OIT3: variants seen among roughly 807,000 people sequenced by gnomAD.
OIT3 encodes the protein oncoprotein-induced transcript 3 protein.
A neutral mutation model predicts 52.2 loss-of-function variants in OIT3; 41 were observed. The ratio of observed to expected loss-of-function variants is 0.79; its 90% CI spans 0.61 to 1.02. The LOEUF (loss-of-function observed/expected upper bound fraction) is 1.02. Among genes scored for constraint, OIT3 ranks in the 50% least tolerant of loss-of-function variants. The probability of loss-of-function intolerance (pLI) is 0.00; values close to 1 mark genes in which losing one functional copy is unlikely to be tolerated. For synonymous variants in OIT3, 244 were observed against 276.9 expected (o/e 0.88, Z 1.18); for missense variants, 634 against 715.5 (o/e 0.89, Z 1.30).
intron 7 of OIT3, among the ~76,000 whole-genome samples, chr10:72,930,263 C>A (rs1366565292): frequency 6.6e-6 from 1 of 152,150 alleles, no homozygotes; most frequent in Non-Finnish European, 1.5e-5. Context: ...TTGCTGTTGC[C>A]AACACTTAAA....
At chr10:72,900,990 C>T (rs1046966665) in intron 3 of OIT3, among the ~76,000 whole-genome samples, 18 of 152,118 alleles carry the variant, frequency 1.2e-4, no homozygotes, top group African/African-American at 4.3e-4. Flanking sequence ...ATCACTTGAA[C>T]TTGGGAGTTC....
At chr10:72,911,421 A>G (rs1846027009) in intron 4 of OIT3, among the ~76,000 whole-genome samples, 1 of 152,206 alleles carries the variant, frequency 6.6e-6, no homozygotes, top group South Asian at 2.1e-4. Context: ...TCCTAGTCCT[A>G]AAAACTCATA....
chr10:72,929,315 G>A (rs967503922), intron 7 of OIT3, among the ~76,000 whole-genome samples: 1 of 150,502 alleles, frequency 6.6e-6, no homozygotes, highest in Non-Finnish European at 1.5e-5. Context: ...TCCTGGCCCA[G>A]AAGACAGGAA....
At chr10:72,913,259 C>G in intron 5 of OIT3, 49 bp from the exon 6 acceptor site, 1 of 1,464,504 alleles carries the variant, frequency 6.8e-7, no homozygotes, top group Non-Finnish European at 9.2e-7. Flanking sequence ...AAAAGCCTTC[C>G]TCCCGATTCA....
intron 1 of OIT3, among the ~76,000 whole-genome samples, chr10:72,895,735 C>T (rs1428752098): frequency 6.6e-6 from 1 of 152,140 alleles, no homozygotes; most frequent in Non-Finnish European, 1.5e-5. Flanking sequence ...GCCCTTGGCC[C>T]TGCGTGGTCC....
At chr10:72,895,109 A>G (rs1845862737) in intron 1 of OIT3, among the ~76,000 whole-genome samples, 1 of 152,226 alleles carries the variant, frequency 6.6e-6, no homozygotes, top group South Asian at 2.1e-4. Context: ...GTAACGTGTC[A>G]TAACAAGGGA....
At chr10:72,923,219 G>T (rs1157146111) in intron 6 of OIT3, among the ~76,000 whole-genome samples, 1 of 152,152 alleles carries the variant, frequency 6.6e-6, no homozygotes, top group African/African-American at 2.4e-5. Context: ...TTTCTGTAGG[G>T]CTGCTGTGGT....
In OIT3 at chr10:72,932,365, G is replaced by A. The variant is rs1846223695; in HGVS notation, c.1479G>A (p.Leu493=). Residue 493 remains leucine (L), a synonymous_variant, in exon 9 of 9, where the codon CTG becomes CTA. Transcript: ENST00000334011. The part of the protein sequence containing the change: ...FVGKDHKEVF[L]HCRVLVCGVL... ...GATCATCTCTTCAGGAAGTGTTTCT[G>A]CACTGCCGGGTTCTTGTCTGTGGAG... is the stretch of plus-strand genomic sequence containing the variant. 1 of 1,614,184 alleles carries A rather than the reference G, an allele frequency of 6.2e-7. No homozygotes were observed. The highest frequency in any genetic ancestry group is 1.1e-5 in the South Asian group (1 of 91,080).
intron 7 of OIT3, among the ~76,000 whole-genome samples, chr10:72,928,129 G>T (rs562148615): frequency 5.9e-5 from 9 of 152,018 alleles, no homozygotes; most frequent in African/African-American, 2.2e-4. Context: ...AAATCAAGTT[G>T]GTTCTCCCCG....
intron 4 of OIT3, 59 bp from the exon 5 acceptor site, chr10:72,911,658 A>T: frequency 6.4e-7 from 1 of 1,568,026 alleles, no homozygotes; most frequent in East Asian, 2.3e-5. Context: ...GCAAAGTGCC[A>T]GAATTCTTGG....
rs1248284804 is a variant in OIT3, at chr10:72,916,498, A to G, written c.951+3030A>G. ...GCTCCATCCACTCCCTGCAAAGGACATGATCTCATTCTTTTTTTGTGGCTG... is the reference window on the plus strand; with the variant it reads ...GCTCCATCCACTCCCTGCAAAGGACGTGATCTCATTCTTTTTTTGTGGCTG... On this transcript the variant is annotated intron_variant, in intron 6 of 8. Transcript: ENST00000334011. 2.6e-5 allele frequency among the ~76,000 whole-genome samples: 4 copies of G among 152,186 alleles called. No individual in the cohort carries two copies. In the East Asian group the frequency reaches 7.7e-4, roughly 29 times the overall value.
chr10:72,928,861 A>T (rs1357395929), intron 7 of OIT3, among the ~76,000 whole-genome samples: 2 of 152,262 alleles, frequency 1.3e-5, no homozygotes, highest in South Asian at 2.1e-4. Flanking sequence ...TTTTAAAATA[A>T]TTTTTTGGAT....
In OIT3 at chr10:72,904,183, C is replaced by T. The variant is rs551147825; in HGVS notation, c.545-2413C>T. ...TCACGTACGCCCCTGCTTGCTCAAT[C>T]GATCATGACCCTCTCACGCAGACCC... On this transcript the variant is annotated intron_variant, in intron 3 of 8. Transcript: ENST00000334011. Among the ~76,000 whole-genome samples the T allele has an allele frequency of 3.9e-5, 6 of 152,226 alleles. No homozygotes were observed. The South Asian group carries it at 6.2e-4, about 16-fold the overall frequency.
At chr10:72,920,417 T>A (rs1846111944) in intron 6 of OIT3, among the ~76,000 whole-genome samples, 1 of 152,226 alleles carries the variant, frequency 6.6e-6, no homozygotes, top group Non-Finnish European at 1.5e-5. Flanking sequence ...TGGTTTTTTG[T>A]GTCTCTGTCT....
chr10:72,918,444 A>C, intron 6 of OIT3: 1 of 852,728 alleles, frequency 1.2e-6, no homozygotes, highest in Admixed American at 1.7e-5. Flanking sequence ...ATCCACCTTA[A>C]AGTGATCATC....
intron 6 of OIT3, among the ~76,000 whole-genome samples, chr10:72,921,614 T>C (rs1846122236): frequency 6.6e-6 from 1 of 152,144 alleles, no homozygotes; most frequent in South Asian, 2.1e-4. Flanking sequence ...TCTTCACTTA[T>C]GAAGCTTAGT....
chr10:72,924,500 C>G lies in OIT3; in HGVS notation c.1223C>G (p.Pro408Arg), dbSNP rs756513645. 1 of 1,614,140 alleles carries G rather than the reference C, an allele frequency of 6.2e-7. No individual in the cohort carries two copies. The highest frequency in any genetic ancestry group is 8.5e-7 in the Non-Finnish European group (1 of 1,180,022). ...GAAGAGCCTTACCGGGAAGCTCTGC[C>G]CACCCTCAAGCTTCGTGACTCCCTC... ...EFEEPYREAL[P>R]TLKLRDSLYF... The change falls in exon 7 of 9, where the codon CCC becomes CGC. Residue 408 changes from proline (P) to arginine (R), a missense_variant. Pro to Arg is a moderately radical substitution (Grantham distance 103). Coordinates refer to ENST00000334011, the MANE Select transcript of OIT3 (RefSeq NM_152635.3).
chr10:72,919,592 T>A (rs1039454492), intron 6 of OIT3, among the ~76,000 whole-genome samples: 1 of 152,156 alleles, frequency 6.6e-6, no homozygotes, highest in African/African-American at 2.4e-5. Flanking sequence ...GTTTGTCATA[T>A]ATGGCTCTTA....
intron 3 of OIT3, among the ~76,000 whole-genome samples, chr10:72,904,507 G>A (rs929080797): frequency 6.6e-6 from 1 of 152,120 alleles, no homozygotes; most frequent in Non-Finnish European, 1.5e-5. Flanking sequence ...AGGGAAAGAA[G>A]GAGCCCTGAT....
Sources: allele counts gnomAD v4.1 joint callset (sites outside exome capture counted in the v4.1 genomes callset), GRCh38; gene constraint gnomAD v4.1.1; transcripts MANE v1.5; gene names NCBI Gene and HGNC (gene_info 2026-07-23, HGNC 2026-07-21).